Variants in EXD1 observed in about 807,000 individuals in gnomAD.
EXD1 encodes piRNA biogenesis protein EXD1.
A neutral mutation model predicts 49.1 loss-of-function variants in EXD1; 63 were observed. The ratio of observed to expected loss-of-function variants is 1.28; its 90% CI spans 1.05 to 1.58. EXD1 has a LOEUF of 1.58. Ranked by LOEUF, EXD1 falls within the 40% of genes most tolerant of loss-of-function variation. The pLI is 0.00. For missense variants in EXD1, 748 were observed against 666.0 expected, an observed-to-expected ratio of 1.12 and a Z score of -1.36; for synonymous variants, 234 against 239.2, an observed-to-expected ratio of 0.98 and a Z score of 0.20.
intron 5 of EXD1, 53 bp from the exon 6 acceptor site, chr15:41,215,886 G>C: frequency 6.3e-7 from 1 of 1,583,848 alleles, no homozygotes; most frequent in Non-Finnish European, 8.7e-7. Context: ...CAACAGAATA[G>C]CTTTCTCAAT....
chr15:41,195,973 T>C lies in EXD1; in HGVS notation c.599A>G (p.Asn200Ser), dbSNP rs747909794. 3.6e-5 allele frequency: 58 copies of C among 1,613,308 alleles called. 1 individual carries two copies. Among genetic ancestry groups the C allele is most frequent in the African/African-American group, 1.6e-4 (12 of 74,900 alleles). The change falls in exon 8 of 12, where the codon AAT becomes AGT. Residue 200 changes from asparagine to serine, a missense_variant. Transcript: ENST00000458580. Reference sequence around the variant, plus strand: ...GTCTTCTAGTATCATCTGAAGTCCATTGTGGAAAGCTCGACTTCCCAGAAG... The same window carrying C: ...GTCTTCTAGTATCATCTGAAGTCCACTGTGGAAAGCTCGACTTCCCAGAAG... ...IFLLGSRAFH[N>S]GLQMILEDKR...
intron 7 of EXD1, among the ~76,000 whole-genome samples, chr15:41,207,520 C>T (rs990328616): frequency 2.7e-4 from 40 of 150,440 alleles, no homozygotes; most frequent in East Asian, 2.0e-4. Context: ...AGCCTCCAGG[C>T]GACAAGAGCA....
At chr15:41,210,629 G>T (rs1214198538) in intron 6 of EXD1, among the ~76,000 whole-genome samples, 1 of 151,828 alleles carries the variant, frequency 6.6e-6, no homozygotes, top group African/African-American at 2.4e-5. Flanking sequence ...GGCTGAGGCT[G>T]CAGTGAGCCA....
chr15:41,225,886 AAAAAC>A (rs143709601), intron 2 of EXD1, among the ~76,000 whole-genome samples: 4 of 141,956 alleles, frequency 2.8e-5, no homozygotes, highest in Admixed American at 6.8e-5. Flanking sequence ...CAACATCTCA[AAAAAC>A]AAAACAAAAC....
At chr15:41,195,715 G>T in intron 9 of EXD1, 60 bp downstream of exon 9, 1 of 1,320,738 alleles carries the variant, frequency 7.6e-7, no homozygotes, top group South Asian at 1.6e-5. Flanking sequence ...GACCAGATGA[G>T]CCCTTTTATC....
intron 1 of EXD1, among the ~76,000 whole-genome samples, chr15:41,227,047 G>A (rs1192952072): frequency 1.3e-5 from 2 of 152,126 alleles, no homozygotes; most frequent in Non-Finnish European, 2.9e-5. Flanking sequence ...AACTACCTGA[G>A]CTGCTATTTT....
chr15:41,205,895 T>C (rs1369829527), intron 7 of EXD1, among the ~76,000 whole-genome samples: 2 of 150,544 alleles, frequency 1.3e-5, no homozygotes, highest in Non-Finnish European at 3.0e-5. Context: ...TTTTTTTTTT[T>C]TTTGAGATGG....
intron 11 of EXD1, among the ~76,000 whole-genome samples, chr15:41,189,327 C>T (rs1042458337): frequency 6.6e-6 from 1 of 151,002 alleles, no homozygotes; most frequent in Non-Finnish European, 1.5e-5. Context: ...GAGATCATAC[C>T]ACTGCACTCC....
chr15:41,184,526 T>G lies in EXD1; in HGVS notation c.1124A>C (p.Lys375Thr). 6.2e-7 allele frequency: 1 copy of G among 1,613,432 alleles called. No individual in the cohort carries two copies. Among genetic ancestry groups the G allele is most frequent in the Non-Finnish European group, 8.5e-7 (1 of 1,179,856 alleles). The change falls in exon 12 of 12, where the codon AAA becomes ACA. Residue 375 changes from lysine to threonine, a missense_variant. Physicochemically the swap from Lys to Thr is moderately conservative, Grantham distance 78. Coordinates refer to ENST00000458580, the MANE Select transcript of EXD1 (RefSeq NM_001286441.2). ...LKDFQKQRRE[K>T]AAREYRVNAQ... ...ATTCACCCTATATTCTCTTGCAGCTTTCTCCCTGCGCTGCTTCTGGAAGTC... is the reference window on the plus strand; with the variant it reads ...ATTCACCCTATATTCTCTTGCAGCTGTCTCCCTGCGCTGCTTCTGGAAGTC...
At chr15:41,205,202 GAAAATTTTC>G (rs2046803204) in intron 7 of EXD1, among the ~76,000 whole-genome samples, 1 of 152,124 alleles carries the variant, frequency 6.6e-6, no homozygotes, top group South Asian at 2.1e-4. Context: ...AAGGCAAAGG[GAAAATTTTC>G]CCTTGGCCCC....
At chr15:41,211,832 C>G (rs2046925979) in intron 6 of EXD1, among the ~76,000 whole-genome samples, 1 of 146,106 alleles carries the variant, frequency 6.8e-6, no homozygotes, top group African/African-American at 2.7e-5. Flanking sequence ...CATGGTGGTA[C>G]ACACCTATAG....
intron 6 of EXD1, 90 bp from the exon 7 acceptor site, chr15:41,209,677 G>A: frequency 9.4e-7 from 1 of 1,060,706 alleles, no homozygotes; most frequent in Non-Finnish European, 1.4e-6. Flanking sequence ...ATGGTCAGCA[G>A]TAAACAAAGT....
intron 2 of EXD1, among the ~76,000 whole-genome samples, chr15:41,222,034 A>C (rs1214763786): frequency 1.3e-5 from 2 of 151,936 alleles, no homozygotes; most frequent in Admixed American, 6.6e-5. Flanking sequence ...CAGGCGTCAG[A>C]GGTTCCAGTG....
At position 41,226,587 on chromosome 15, in the gene EXD1, C is replaced by A; in HGVS notation, c.-12G>T. ...CTGCTGGGGTCCATGCTAATTGATTCCAAAAGCCGTCTTCAAATAATCTTC... is the reference window on the plus strand; with the variant it reads ...CTGCTGGGGTCCATGCTAATTGATTACAAAAGCCGTCTTCAAATAATCTTC... On this transcript the variant is annotated 5_prime_UTR_variant, in exon 2 of 12. Transcript: ENST00000458580. 1 of 1,529,946 alleles carries A rather than the reference C, an allele frequency of 6.5e-7. No homozygotes were observed. The highest frequency in any genetic ancestry group is 1.2e-5 in the South Asian group (1 of 82,440). 94.8% of individuals were successfully genotyped at this position (1,529,946 alleles called of 1,614,324 possible). A position where few individuals can be genotyped will look rare whatever the true frequency, so the allele number is the denominator to read the frequency against.
chr15:41,213,691 G>C (rs1029389277), intron 6 of EXD1, among the ~76,000 whole-genome samples: 8 of 151,990 alleles, frequency 5.3e-5, no homozygotes, highest in African/African-American at 1.9e-4. Context: ...TAGAGATGGG[G>C]TTTTGCCATG....
At chr15:41,192,542 GC>G in intron 9 of EXD1, among the ~76,000 whole-genome samples, 1 of 144,502 alleles carries the variant, frequency 6.9e-6, no homozygotes, top group South Asian at 2.2e-4. Context: ...TGATCCGCCC[GC>G]CTTGGGCTCC....
At position 41,230,595 on chromosome 15, in the gene EXD1, C is replaced by G; in HGVS notation, c.-170G>C. The G allele has an allele frequency of 6.3e-7, 1 of 1,593,674 alleles. No homozygotes were observed. The highest frequency in any genetic ancestry group is 8.6e-7 in the Non-Finnish European group (1 of 1,163,716). On this transcript the variant is annotated 5_prime_UTR_variant, in exon 1 of 12. Transcript: ENST00000458580. ...GCGTTCCTCGAACTTCAGTCTAGAA[C>G]TAAAAGAAGAGGGGCTGCAATGAAG...
intron 9 of EXD1, among the ~76,000 whole-genome samples, chr15:41,192,874 C>A (rs1321439817): frequency 6.8e-6 from 1 of 146,424 alleles, no homozygotes; most frequent in Non-Finnish European, 1.5e-5. Context: ...CGGCTCACTG[C>A]AAGCTCCGCC....
At chr15:41,212,614 A>G (rs1254731797) in intron 6 of EXD1, among the ~76,000 whole-genome samples, 1 of 152,214 alleles carries the variant, frequency 6.6e-6, no homozygotes, top group Non-Finnish European at 1.5e-5. Context: ...GAGAAATAAA[A>G]TCATCCACAC....
Sources: gnomAD v4.1 joint callset for allele counts (sites outside exome capture counted in the v4.1 genomes callset) on GRCh38, gnomAD v4.1.1 for gene constraint, MANE v1.5 for transcripts, NCBI Gene and HGNC (gene_info 2026-07-23, HGNC 2026-07-21) for gene names.